SCAPER: variants seen among roughly 807,000 people sequenced by gnomAD.
SCAPER encodes the protein S phase cyclin A-associated protein in the endoplasmic reticulum.
A neutral mutation model predicts 182.2 loss-of-function variants in SCAPER; 98 were observed. The ratio of observed to expected loss-of-function variants is 0.54; its 90% CI spans 0.46 to 0.64. The LOEUF is 0.64. SCAPER is among the 30% of genes least tolerant of loss of function. The pLI is 0.00. For synonymous variants in SCAPER, 605 were observed against 564.6 expected (o/e 1.07, Z -1.01); for missense variants, 1,432 against 1,690.0 (o/e 0.85, Z 2.68).
At chr15:76,511,841 A>ATGTG (rs755966745) in intron 23 of SCAPER, among the ~76,000 whole-genome samples, 7,958 of 103,634 alleles carry the variant, frequency 0.077, 455 homozygotes, top group Non-Finnish European at 0.11. Context: ...ATATATATAT[A>ATGTG]TATGTGTGTG....
chr15:76,710,009 C>A (rs943307433), intron 17 of SCAPER, among the ~76,000 whole-genome samples: 4 of 152,124 alleles, frequency 2.6e-5, no homozygotes, highest in African/African-American at 9.7e-5. Flanking sequence ...AAAGAAACTT[C>A]CTCAATCTAT....
chr15:76,760,851 G>A (rs531140332), intron 14 of SCAPER, among the ~76,000 whole-genome samples: 1 of 152,192 alleles, frequency 6.6e-6, no homozygotes, highest in South Asian at 2.1e-4. Flanking sequence ...CAGGAACCAG[G>A]GGCAGAGACC....
chr15:76,867,493 T>G lies in SCAPER; in HGVS notation c.7-4960A>C, dbSNP rs1013407159. 2.0e-5 allele frequency among the ~76,000 whole-genome samples: 3 copies of G among 152,176 alleles called. No homozygotes were observed. In the East Asian group the frequency reaches 5.8e-4, roughly 29 times the overall value. On this transcript the variant is annotated intron_variant, in intron 2 of 31. Transcript: ENST00000563290. Reference sequence around the variant, plus strand: ...CAGTAATTTACGATAACTTTATCAGTTTTTACCAATATTTCACACCATCTA... The same window carrying G: ...CAGTAATTTACGATAACTTTATCAGGTTTTACCAATATTTCACACCATCTA...
At chr15:76,579,408 T>C (rs189616256) in intron 22 of SCAPER, among the ~76,000 whole-genome samples, 1 of 152,104 alleles carries the variant, frequency 6.6e-6, no homozygotes, top group Admixed American at 6.5e-5. Flanking sequence ...GTTTTTTCTT[T>C]GCTTGTTTGT....
chr15:76,542,085 AT>A (rs2044803965), intron 23 of SCAPER, among the ~76,000 whole-genome samples: 1 of 152,128 alleles, frequency 6.6e-6, no homozygotes, highest in African/African-American at 2.4e-5. Flanking sequence ...TCATCTGACT[AT>A]TTTCTGCTTA....
At position 76,740,527 on chromosome 15, in the gene SCAPER, C is replaced by T. The variant is rs953153986; in HGVS notation, c.1867-7143G>A. Among the ~76,000 whole-genome samples the T allele has an allele frequency of 9.6e-5, 10 of 104,548 alleles. No individual in the cohort carries two copies. In the East Asian group the frequency reaches 1.4e-3, roughly 15 times the overall value. 68.6% of individuals were successfully genotyped at this position (104,548 alleles called of 152,430 possible). A position where few individuals can be genotyped will look rare whatever the true frequency, so the allele number is the denominator to read the frequency against. On this transcript the variant is annotated intron_variant, in intron 15 of 31. Transcript: ENST00000563290. ...CAAGAAAGAAAATTCAGTGTAGACT[C>T]GGCCTTCCCCACAGAAATAACTAAG... is the stretch of plus-strand genomic sequence containing the variant.
chr15:76,575,159 T>C (rs1302529807), intron 22 of SCAPER, among the ~76,000 whole-genome samples: 2 of 152,168 alleles, frequency 1.3e-5, no homozygotes, highest in Non-Finnish European at 2.9e-5. Flanking sequence ...CCATTCTCAA[T>C]GTCTTGCATG....
intron 23 of SCAPER, among the ~76,000 whole-genome samples, chr15:76,507,515 G>A (rs544741213): frequency 4.6e-5 from 7 of 151,922 alleles, no homozygotes; most frequent in African/African-American, 1.7e-4. Context: ...AAATACTGAG[G>A]TTTTTTTTGA....
Position 76,488,718 on chromosome 15 carries a change from T to C in SCAPER, c.2954+16141A>G, listed in dbSNP as rs1367729895. Among the ~76,000 whole-genome samples the C allele has an allele frequency of 4.4e-3, 58 of 13,232 alleles. 2 individuals carry two copies. The highest frequency in any genetic ancestry group is 9.1e-3 in the African/African-American group (56 of 6,158). The allele number at this position is 13,232 out of a possible 152,430, so 8.7% of individuals were successfully genotyped here. ...ATCCTGATAACAGTACACTGCCTTT[T>C]TTTTTTTTTTTTTTTTTTTTTTTTT... On this transcript the variant is annotated intron_variant, in intron 24 of 31. Coordinates refer to ENST00000563290, the MANE Select transcript of SCAPER (RefSeq NM_020843.4).
chr15:76,782,757 A>G (rs542319734), intron 8 of SCAPER, among the ~76,000 whole-genome samples: 1 of 152,068 alleles, frequency 6.6e-6, no homozygotes, highest in Non-Finnish European at 1.5e-5. Flanking sequence ...ACATGGAAAC[A>G]GAACAACCTG....
chr15:76,439,769 C>T (rs2047436791), intron 25 of SCAPER, among the ~76,000 whole-genome samples: 1 of 152,180 alleles, frequency 6.6e-6, no homozygotes, highest in Admixed American at 6.5e-5. Flanking sequence ...AGGTTACCTT[C>T]CCAGCATGCA....
chr15:76,533,456 G>A (rs1042212542), intron 23 of SCAPER, among the ~76,000 whole-genome samples: 10 of 152,058 alleles, frequency 6.6e-5, no homozygotes, highest in African/African-American at 2.4e-4. Flanking sequence ...GTAACATGCT[G>A]TACAGATTTG....
chr15:76,814,599 G>A (rs1568225222), intron 5 of SCAPER, among the ~76,000 whole-genome samples: 1 of 151,964 alleles, frequency 6.6e-6, no homozygotes, highest in African/African-American at 2.4e-5. Context: ...TACACCATAC[G>A]CAAAAATAAA....
At chr15:76,454,660 G>C (rs1006938431) in intron 25 of SCAPER, among the ~76,000 whole-genome samples, 3 of 152,100 alleles carry the variant, frequency 2.0e-5, no homozygotes, top group Non-Finnish European at 4.4e-5. Flanking sequence ...GTTCATGAGA[G>C]AGACTGGCTT....
chr15:76,541,606 T>C (rs1567401787), intron 23 of SCAPER, among the ~76,000 whole-genome samples: 1 of 152,226 alleles, frequency 6.6e-6, no homozygotes, highest in Non-Finnish European at 1.5e-5. Flanking sequence ...CCCACTTCTA[T>C]AAATGACTCT....
chr15:76,547,169 C>T (rs2045366329), intron 23 of SCAPER, among the ~76,000 whole-genome samples: 1 of 152,172 alleles, frequency 6.6e-6, no homozygotes, highest in African/African-American at 2.4e-5. Context: ...CAGCAGTGTA[C>T]AGGTTTCCGT....
chr15:76,578,203 T>A (rs1177073713), intron 22 of SCAPER, among the ~76,000 whole-genome samples: 2 of 152,050 alleles, frequency 1.3e-5, no homozygotes, highest in Non-Finnish European at 2.9e-5. Flanking sequence ...AGCACCAGGT[T>A]GATTCCTAAG....
chr15:76,591,180 T>C (rs535663531), intron 22 of SCAPER, among the ~76,000 whole-genome samples: 17 of 152,160 alleles, frequency 1.1e-4, no homozygotes, highest in African/African-American at 4.1e-4. Flanking sequence ...CTTAAATTTA[T>C]ACAAATTAAA....
intron 26 of SCAPER, among the ~76,000 whole-genome samples, chr15:76,406,113 A>G (rs577678130): frequency 6.6e-6 from 1 of 152,268 alleles, no homozygotes; most frequent in Admixed American, 6.5e-5. Context: ...TCTTATTACA[A>G]TCTGATTGAA....
Sources: gnomAD v4.1 joint callset for allele counts (sites outside exome capture counted in the v4.1 genomes callset) on GRCh38, gnomAD v4.1.1 for gene constraint, MANE v1.5 for transcripts, NCBI Gene and HGNC (gene_info 2026-07-23, HGNC 2026-07-21) for gene names.